CD44: variants seen among roughly 807,000 people sequenced by gnomAD.
CD44 encodes the protein CD44 molecule (IN blood group), also known as CD44 antigen.
CD44 carries 49 observed loss-of-function variants against 88.8 expected under a neutral mutation model. The observed-to-expected ratio is 0.55, with a 90% CI of 0.44 to 0.70. The LOEUF (loss-of-function observed/expected upper bound fraction) is 0.70. CD44 is among the 30% of genes least tolerant of loss of function. The pLI is 0.00. For synonymous variants in CD44, 325 were observed against 312.3 expected (o/e 1.04, Z -0.43); for missense variants, 883 against 913.8 (o/e 0.97, Z 0.43).
chr11:35,206,739 G>GA (rs1391095139), intron 11 of CD44, among the ~76,000 whole-genome samples: 2 of 61,294 alleles, frequency 3.3e-5, no homozygotes, highest in Non-Finnish European at 5.6e-5. Flanking sequence ...GCCAAGGAAT[G>GA]AATATGTCAG....
At chr11:35,152,324 G>T (rs1860477000) in intron 1 of CD44, among the ~76,000 whole-genome samples, 1 of 152,086 alleles carries the variant, frequency 6.6e-6, no homozygotes, top group Non-Finnish European at 1.5e-5. Context: ...TAGCTACCTG[G>T]GCAGGTAAGA....
chr11:35,157,321 G>A (rs200361416), intron 1 of CD44, among the ~76,000 whole-genome samples: 64 of 147,284 alleles, frequency 4.3e-4, no homozygotes, highest in Non-Finnish European at 6.3e-4. Flanking sequence ...CTGTCTGTCT[G>A]TCTATCTATC....
chr11:35,218,940 A>G (rs1285726683), intron 15 of CD44: 3 of 199,198 alleles, frequency 1.5e-5, no homozygotes, highest in South Asian at 1.2e-4. Flanking sequence ...TGTTATCCCC[A>G]TCTTACGAGT....
Position 35,219,387 on chromosome 11 carries a change from G to C in CD44, c.1945G>C (p.Glu649Gln). 1.9e-6 allele frequency: 3 copies of C among 1,612,286 alleles called. No homozygotes were observed. In the South Asian group the frequency reaches 3.3e-5, roughly 18 times the overall value. ...SGPIRTPQIP[E>Q]WLIILASLLA... ...TCCTATAAGGACACCCCAAATTCCA[G>C]GTGAGTTTCAAACTTTGAGGCAGAA... Residue 649 changes from glutamate (E) to glutamine (Q), a missense_variant and splice_region_variant, in exon 16 of 18, where the codon GAA (glutamate) becomes CAA (glutamine). By Grantham distance (29) the Glu-to-Gln change is conservative (BLOSUM62 2). Around this residue, in one of 2 missense-constraint regions of CD44, gnomAD observed 631 missense variants for 590.9 expected, o/e 1.07. Coordinates refer to ENST00000428726, the MANE Select transcript of CD44 (RefSeq NM_000610.4).
At chr11:35,221,756 T>C in intron 17 of CD44, 24 bp downstream of exon 17, 1 of 1,600,996 alleles carries the variant, frequency 6.2e-7, no homozygotes, top group Non-Finnish European at 8.6e-7. Flanking sequence ...CTGGGGGCTT[T>C]CAACTTGGAA....
chr11:35,211,232 C>A lies in CD44; in HGVS notation c.1607-14C>A. 6.2e-7 allele frequency: 1 copy of A among 1,606,796 alleles called. No homozygotes were observed. The highest frequency in any genetic ancestry group is 1.1e-5 in the South Asian group (1 of 90,824). On this transcript the variant is annotated splice_polypyrimidine_tract_variant and intron_variant, in intron 13 of 17. Transcript: ENST00000428726. The stretch of plus-strand genomic sequence containing the variant: ...TACAAATACGGGTTCATCACTGATT[C>A]CACCTCCACACAGATAGGAATGATG...
intron 1 of CD44, among the ~76,000 whole-genome samples, chr11:35,153,466 AC>A (rs1375561912): frequency 6.6e-6 from 1 of 152,128 alleles, no homozygotes; most frequent in Non-Finnish European, 1.5e-5. Flanking sequence ...CAGCAACCTG[AC>A]CTTTGACTTG....
At chr11:35,196,972 T>A in intron 6 of CD44, 98 bp downstream of exon 6, 3 of 1,302,994 alleles carry the variant, frequency 2.3e-6, no homozygotes, top group Non-Finnish European at 3.2e-6. Flanking sequence ...ACGTTCCTTC[T>A]ATTCTCACAA....
chr11:35,174,922 G>C (rs551574702), intron 1 of CD44, among the ~76,000 whole-genome samples: 2 of 152,330 alleles, frequency 1.3e-5, no homozygotes, highest in East Asian at 3.9e-4. Context: ...TTCCAGGAAG[G>C]AGAGAAAGAG....
At chr11:35,206,030 T>A in intron 10 of CD44, 82 bp from the exon 11 acceptor site, 5 of 1,452,424 alleles carry the variant, frequency 3.4e-6, no homozygotes, top group Non-Finnish European at 4.5e-6. Context: ...GAGAATAAAG[T>A]CTTTTTTAAA....
intron 12 of CD44, among the ~76,000 whole-genome samples, chr11:35,208,552 G>A (rs1202994843): frequency 6.6e-6 from 1 of 152,076 alleles, no homozygotes; most frequent in Admixed American, 6.6e-5. Context: ...TCCTTTCAAT[G>A]TCCATCTTTC....
In CD44 at chr11:35,166,755, A is replaced by T. The variant is rs542936757; in HGVS notation, c.68-9820A>T. On this transcript the variant is annotated intron_variant, in intron 1 of 17. Coordinates refer to ENST00000428726, the MANE Select transcript of CD44 (RefSeq NM_000610.4). ...CTCAGTTGAAAGCAACCCAGGGCAC[A>T]TTCTGGAGGAAATTCTCTGGGTATG... Among the ~76,000 whole-genome samples, 11 of 152,374 alleles carry T rather than the reference A, an allele frequency of 7.2e-5. No homozygotes were observed. In the South Asian group the frequency reaches 2.3e-3, roughly 32 times the overall value.
Position 35,151,381 on chromosome 11 carries a change from C to G in CD44, c.67+12011C>G, listed in dbSNP as rs1860294106. 2.0e-5 allele frequency among the ~76,000 whole-genome samples: 3 copies of G among 152,312 alleles called. No homozygotes were observed. In the Middle Eastern group the frequency reaches 0.01, roughly 518 times the overall value. ...AATCACCCTCTCAGACAGTGCTAGA[C>G]AGAGTTCAGAAGCAGGCCAGCTCCA... On this transcript the variant is annotated intron_variant, in intron 1 of 17. Transcript: ENST00000428726.
chr11:35,211,437 C>A lies in CD44; in HGVS notation c.1798C>A (p.Arg600Ser). ...TGGAGATTCCAACTCTAATGTCAAT[C>A]GTTCCTTATCAGGTAATTTGGCATT... ...TVGDSNSNVNRSLSGDQDTFH... is the reference protein window; with the variant it reads ...TVGDSNSNVNSSLSGDQDTFH... The change falls in exon 14 of 18, where the codon CGT becomes AGT. Residue 600 changes from arginine (R) to serine (S), a missense_variant. By Grantham distance (110) the Arg-to-Ser change is moderately radical. Coordinates refer to ENST00000428726, the MANE Select transcript of CD44 (RefSeq NM_000610.4). 1 of 1,612,836 alleles carries A rather than the reference C, an allele frequency of 6.2e-7. No individual in the cohort carries two copies. The highest frequency in any genetic ancestry group is 8.5e-7 in the Non-Finnish European group (1 of 1,179,014).
rs1422437480 is a variant in CD44, at chr11:35,196,774, T to C, written c.696T>C (p.Thr232=). Residue 232 remains threonine, a synonymous_variant, in exon 6 of 18, where the codon ACT becomes ACC. Transcript: ENST00000428726. ...TTLMSTSATA[T]ETATKRQETW... ...TGATGAGCACTAGTGCTACAGCAAC[T>C]GAGACAGCAACCAAGAGGCAAGAAA... is the stretch of plus-strand genomic sequence containing the variant. 1 of 1,613,732 alleles carries C rather than the reference T, an allele frequency of 6.2e-7. No homozygotes were observed. Among genetic ancestry groups the C allele is most frequent in the African/African-American group, 1.3e-5 (1 of 74,932 alleles).
chr11:35,193,166 T>A (rs1946436408), intron 5 of CD44, among the ~76,000 whole-genome samples: 1 of 152,150 alleles, frequency 6.6e-6, no homozygotes, highest in African/African-American at 2.4e-5. Context: ...GTGTCCAGTC[T>A]TTTGGCTTCC....
At chr11:35,208,319 T>C in intron 12 of CD44, 113 bp downstream of exon 12, 1 of 753,624 alleles carries the variant, frequency 1.3e-6, no homozygotes, top group Non-Finnish European at 2.4e-6. Context: ...TGTGGCTTAC[T>C]TCAGCCCAGA....
At chr11:35,144,424 C>G (rs1858686813) in intron 1 of CD44, among the ~76,000 whole-genome samples, 1 of 152,202 alleles carries the variant, frequency 6.6e-6, no homozygotes, top group Non-Finnish European at 1.5e-5. Flanking sequence ...AAACCGATGA[C>G]TCAATTTCCT....
At chr11:35,165,723 A>G (rs552001152) in intron 1 of CD44, among the ~76,000 whole-genome samples, 10 of 152,168 alleles carry the variant, frequency 6.6e-5, no homozygotes, top group Non-Finnish European at 1.5e-4. Flanking sequence ...CAGGAAGGCA[A>G]GGTGTGCCTG....
Sources: allele counts gnomAD v4.1 joint callset (sites outside exome capture counted in the v4.1 genomes callset), GRCh38; gene constraint gnomAD v4.1.1; regional missense constraint gnomAD v4.1.1; transcripts MANE v1.5; gene names NCBI Gene and HGNC (gene_info 2026-07-23, HGNC 2026-07-21).